The following UBE3D variants were observed in gnomAD, a reference collection of about 807,000 sequenced individuals.
UBE3D encodes E3 ubiquitin-protein ligase E3D.
Under a neutral mutation model 49.6 loss-of-function variants are expected in UBE3D, and 48 were observed. The observed-to-expected ratio is 0.97, with a 90% CI of 0.77 to 1.23. The LOEUF is 1.23. Among genes scored for constraint, UBE3D ranks in the 50% most tolerant of loss-of-function variants. The pLI is 0.00. For synonymous variants in UBE3D, 189 were observed against 174.2 expected (o/e 1.08, Z -0.67); for missense variants, 452 against 468.4 (o/e 0.96, Z 0.32).
At chr6:82,892,194 C>A (rs986479222), downstream of UBE3D, among the ~76,000 whole-genome samples, 17 of 152,296 alleles carry the variant, frequency 1.1e-4, no homozygotes, top group African/African-American at 4.1e-4. Context: ...TGGATCAGAT[C>A]TTGGGCAGAG....
At chr6:82,975,369 C>T (rs893695414) in intron 8 of UBE3D, among the ~76,000 whole-genome samples, 2 of 152,114 alleles carry the variant, frequency 1.3e-5, no homozygotes, top group Non-Finnish European at 2.9e-5. Flanking sequence ...CTTCACTTAG[C>T]TTATGCAAAC....
At chr6:82,901,145 G>A (rs1771701585) in intron 9 of UBE3D, among the ~76,000 whole-genome samples, 1 of 152,024 alleles carries the variant, frequency 6.6e-6, no homozygotes. Context: ...CCGTATAGCT[G>A]TTTTGTGAAA....
intron 3 of UBE3D, among the ~76,000 whole-genome samples, chr6:83,047,301 G>A (rs1212928117): frequency 1.3e-5 from 2 of 152,192 alleles, no homozygotes; most frequent in African/African-American, 2.4e-5. Flanking sequence ...AACTGCATCT[G>A]AACCAGGAAG....
chr6:82,983,216 T>C (rs1317084018), intron 8 of UBE3D, among the ~76,000 whole-genome samples: 2 of 151,784 alleles, frequency 1.3e-5, no homozygotes, highest in Non-Finnish European at 2.9e-5. Context: ...TAAATATATA[T>C]GTTGTTTTGT....
At chr6:82,887,570 G>A (rs937906837), downstream of UBE3D, among the ~76,000 whole-genome samples, 3 of 150,776 alleles carry the variant, frequency 2.0e-5, no homozygotes, top group Admixed American at 1.3e-4. Context: ...TTAGCCGGGC[G>A]TGGTGGTGCA....
chr6:82,971,421 T>C (rs1777343116), intron 8 of UBE3D, among the ~76,000 whole-genome samples: 2 of 151,732 alleles, frequency 1.3e-5, no homozygotes, highest in South Asian at 2.1e-4. Context: ...TTCTCATAAA[T>C]AAATCTGACA....
chr6:82,987,977 A>G (rs529209955), intron 8 of UBE3D, among the ~76,000 whole-genome samples: 1 of 152,344 alleles, frequency 6.6e-6, no homozygotes, highest in South Asian at 2.1e-4. Context: ...AAAAAATACA[A>G]TGTGATACCA....
intron 8 of UBE3D, among the ~76,000 whole-genome samples, chr6:82,986,393 G>A (rs1778495875): frequency 2.2e-5 from 3 of 137,418 alleles, no homozygotes; most frequent in Non-Finnish European, 4.6e-5. Flanking sequence ...ATCACTTGAA[G>A]TCAAGAAGTG....
At chr6:82,954,138 G>A (rs1775996489) in intron 9 of UBE3D, among the ~76,000 whole-genome samples, 1 of 152,172 alleles carries the variant, frequency 6.6e-6, no homozygotes, top group Admixed American at 6.5e-5. Context: ...AAGGAGTTTG[G>A]ATTTTATTTT....
At chr6:82,988,455 A>G (rs949867989) in intron 8 of UBE3D, among the ~76,000 whole-genome samples, 1 of 152,208 alleles carries the variant, frequency 6.6e-6, no homozygotes, top group African/African-American at 2.4e-5. Context: ...AGTGAAGTAC[A>G]AGACATGAGA....
the UBE3D span, among the ~76,000 whole-genome samples, chr6:82,886,117 C>T: frequency 5.8e-4 from 89 of 152,276 alleles, no homozygotes; most frequent in African/African-American, 2.0e-3. Flanking sequence ...TACTCATTTC[C>T]GGAACACTTT....
At chr6:83,043,107 C>T (rs749563817) in intron 4 of UBE3D, among the ~76,000 whole-genome samples, 1 of 152,176 alleles carries the variant, frequency 6.6e-6, no homozygotes, top group Non-Finnish European at 1.5e-5. Flanking sequence ...TAGCTGTTTA[C>T]TATGAAGAGA....
In UBE3D at chr6:83,028,842, C is replaced by T. The variant is rs377654922; in HGVS notation, c.668-4804G>A. Among the ~76,000 whole-genome samples the T allele has an allele frequency of 2.6e-5, 4 of 152,022 alleles. No individual in the cohort carries two copies. In the East Asian group the frequency reaches 5.8e-4, roughly 22 times the overall value. ...TTTCCATGTATTTATTTGGAAACAT[C>T]CTTATTTTGCCTTCATTTTTGAGTG... On this transcript the variant is annotated intron_variant, in intron 5 of 9. Coordinates refer to ENST00000369747, the MANE Select transcript of UBE3D (RefSeq NM_198920.3).
At chr6:82,926,922 T>C (rs1182923105) in intron 9 of UBE3D, among the ~76,000 whole-genome samples, 2 of 152,222 alleles carry the variant, frequency 1.3e-5, no homozygotes, top group Admixed American at 1.3e-4. Context: ...TAAAAAGTCA[T>C]CATCAGATGC....
chr6:82,958,833 T>C (rs1776346991), intron 8 of UBE3D, among the ~76,000 whole-genome samples: 1 of 152,164 alleles, frequency 6.6e-6, no homozygotes, highest in Admixed American at 6.5e-5. Flanking sequence ...TACAAGTAAG[T>C]GAAGTCCAAG....
chr6:82,911,575 T>A (rs1427887556), intron 9 of UBE3D, among the ~76,000 whole-genome samples: 1 of 152,208 alleles, frequency 6.6e-6, no homozygotes, highest in Non-Finnish European at 1.5e-5. Flanking sequence ...CATAGCAACC[T>A]TTTAAACTCA....
intron 8 of UBE3D, among the ~76,000 whole-genome samples, chr6:82,960,591 G>A (rs1020760671): frequency 4.0e-5 from 6 of 151,292 alleles, no homozygotes; most frequent in African/African-American, 7.3e-5. Flanking sequence ...TAAGGCATTT[G>A]TAAGTGATAT....
intron 9 of UBE3D, among the ~76,000 whole-genome samples, chr6:82,939,576 A>G (rs1774852715): frequency 6.6e-6 from 1 of 152,192 alleles, no homozygotes; most frequent in South Asian, 2.1e-4. Context: ...TTACCATTGT[A>G]TTACAATTGC....
At chr6:82,897,846 A>C (rs1771441265) in intron 9 of UBE3D, among the ~76,000 whole-genome samples, 2 of 152,150 alleles carry the variant, frequency 1.3e-5, no homozygotes, top group South Asian at 4.1e-4. Flanking sequence ...TTGGATAAAT[A>C]CTAAAAGATA....
Sources: gnomAD v4.1 joint callset for allele counts (sites outside exome capture counted in the v4.1 genomes callset) on GRCh38, gnomAD v4.1.1 for gene constraint, MANE v1.5 for transcripts, NCBI Gene and HGNC (gene_info 2026-07-23, HGNC 2026-07-21) for gene names.